The following DNAAF5 variants were observed in gnomAD, a reference collection of about 807,000 sequenced individuals.
DNAAF5 encodes the protein dynein axonemal assembly factor 5, also known as HEAT repeat containing 2.
Under a neutral mutation model 75.8 loss-of-function variants are expected in DNAAF5, and 64 were observed. The observed-to-expected ratio is 0.84, with a 90% confidence interval of 0.69 to 1.04. The LOEUF is 1.04. Ranked by LOEUF, DNAAF5 falls within the 50% of genes least tolerant of loss-of-function variation. The probability of loss-of-function intolerance (pLI) is 0.00; values close to 1 mark genes in which losing one functional copy is unlikely to be tolerated. For synonymous variants in DNAAF5, 657 were observed against 557.2 expected, an observed-to-expected ratio of 1.18 and a Z score of -2.52; for missense variants, 1,269 against 1,178.5, an observed-to-expected ratio of 1.08 and a Z score of -1.12.
chr7:769,110 TG>T, intron 8 of DNAAF5: 1 of 753,358 alleles, frequency 1.3e-6, no homozygotes, highest in Non-Finnish European at 2.4e-6. Context: ...CAAGGGCAGG[TG>T]CGGGGGTCTC....
At chr7:770,414 G>T (rs1778514921) in intron 8 of DNAAF5, 57 bp from the exon 9 acceptor site, 24 of 1,552,162 alleles carry the variant, frequency 1.5e-5, no homozygotes, top group Non-Finnish European at 2.0e-5. Context: ...TGTGCTGGAT[G>T]GGGCCTCCTC....
intron 2 of DNAAF5, among the ~76,000 whole-genome samples, chr7:737,424 T>C (rs1362349837): frequency 2.0e-5 from 3 of 152,228 alleles, no homozygotes. Context: ...GGCTCATCTT[T>C]TAGTCTTTCT....
In DNAAF5 at chr7:774,028, C is replaced by A. The variant is rs774998148; in HGVS notation, c.1932-20C>A. ...GCACCTGTCCGGTCTCCTCATCCAC[C>A]CTCTCCGTTCCGGTTCCAGGCAGTT... On this transcript the variant is annotated intron_variant, in intron 9 of 12. Transcript: ENST00000297440. The A allele has an allele frequency of 6.2e-7, 1 of 1,614,086 alleles. No homozygotes were observed. Among genetic ancestry groups the A allele is most frequent in the Non-Finnish European group, 8.5e-7 (1 of 1,179,978 alleles).
intron 9 of DNAAF5, chr7:772,654 C>G (rs1022207244): frequency 6.6e-6 from 1 of 152,244 alleles, no homozygotes; most frequent in Non-Finnish European, 1.5e-5. Context: ...CCCTGCTGCC[C>G]GTGGACTATA....
rs1027532467 is a variant in DNAAF5 at position 741,442 on chromosome 7, C to T, written c.1001C>T (p.Thr334Ile). The T allele has an allele frequency of 1.2e-5, 19 of 1,561,342 alleles. No individual in the cohort carries two copies. Among genetic ancestry groups the T allele is most frequent in the Admixed American group, 3.8e-5 (2 of 52,296 alleles). The change falls in exon 4 of 13, where the codon ACC becomes ATC. Residue 334 changes from threonine (T) to isoleucine (I), a missense_variant. Thr to Ile is a moderately conservative substitution (Grantham distance 89). Coordinates refer to ENST00000297440, the MANE Select transcript of DNAAF5 (RefSeq NM_017802.4). ...GACAAGCTGGACTTTGCCCCTCCCACCCCACCCCATTACCCTCCACATGGT... is the reference window on the plus strand; with the variant it reads ...GACAAGCTGGACTTTGCCCCTCCCATCCCACCCCATTACCCTCCACATGGT... ...LKDKLDFAPPTPPHYPPHERR... is the reference protein window; with the variant it reads ...LKDKLDFAPPIPPHYPPHERR...
At chr7:729,879 C>G (rs1781510066) in intron 2 of DNAAF5, 32 bp downstream of exon 2, 1 of 1,607,610 alleles carries the variant, frequency 6.2e-7, no homozygotes, top group Non-Finnish European at 8.5e-7. Flanking sequence ...CAGTCTGTTC[C>G]TCTCTCCAAC....
intron 4 of DNAAF5, among the ~76,000 whole-genome samples, chr7:743,775 G>A (rs1781996458): frequency 1.3e-5 from 2 of 151,240 alleles, no homozygotes; most frequent in African/African-American, 4.9e-5. Context: ...CTCCCAAGTA[G>A]CTGGGATTAC....
chr7:746,571 G>A (rs1437076840), intron 4 of DNAAF5, among the ~76,000 whole-genome samples: 3 of 142,002 alleles, frequency 2.1e-5, no homozygotes. Flanking sequence ...CCCAGGCTCT[G>A]TGTCGTCCCT....
chr7:780,815 C>CT (rs139098865), intron 12 of DNAAF5, among the ~76,000 whole-genome samples: 1,834 of 141,290 alleles, frequency 0.013, 39 homozygotes, highest in African/African-American at 0.041. Flanking sequence ...TAACGATTTG[C>CT]TTTTTTTTTT....
chr7:774,880 G>C, intron 10 of DNAAF5, 126 bp from the exon 11 acceptor site: 1 of 776,020 alleles, frequency 1.3e-6, no homozygotes, highest in Non-Finnish European at 2.2e-6. Context: ...GAAGATTCAA[G>C]CCTACTTTTT....
Position 761,674 on chromosome 7 carries a change from G to A in DNAAF5, c.1471-79G>A. On this transcript the variant is annotated intron_variant, in intron 6 of 12. Transcript: ENST00000297440. ...CCCAGGATACGTGGGGATTATGGGA[G>A]CTACAGTTCAAGATGGGATTCGGGT... The A allele has an allele frequency of 6.3e-6, 9 of 1,438,838 alleles. 1 individual carries two copies. In the South Asian group the frequency reaches 1.2e-4, roughly 19 times the overall value. The allele number at this position is 1,438,838 out of a possible 1,614,324, so 89.1% of individuals were successfully genotyped here.
Position 780,042 on chromosome 7 carries a change from G to A in DNAAF5, c.2329G>A (p.Ala777Thr), listed in dbSNP as rs200050837. ...CACCTGGCTGCAGTGTGTCAAGGGT[G>A]CCAACGCAAAATCCTACTATCAGAG... ...LVTWLQCVKGANAKSYYQSSV... is the reference protein window; with the variant it reads ...LVTWLQCVKGTNAKSYYQSSV... Residue 777 changes from alanine to threonine, a missense_variant, in exon 12 of 13, where the codon GCC becomes ACC. Ala to Thr is a moderately conservative substitution (Grantham distance 58). Coordinates refer to ENST00000297440, the MANE Select transcript of DNAAF5 (RefSeq NM_017802.4). The A allele has an allele frequency of 2.5e-5, 41 of 1,614,236 alleles. No homozygotes were observed. In the East Asian group the frequency reaches 8.7e-4, roughly 34 times the overall value.
chr7:745,902 T>G (rs755719213), intron 4 of DNAAF5, among the ~76,000 whole-genome samples: 1 of 152,224 alleles, frequency 6.6e-6, no homozygotes. Flanking sequence ...TGACTGATAA[T>G]TACAAAAACA....
At chr7:752,017 C>T (rs558503580) in intron 4 of DNAAF5, among the ~76,000 whole-genome samples, 45 of 152,336 alleles carry the variant, frequency 3.0e-4, no homozygotes, top group African/African-American at 1.1e-3. Context: ...TGAATGGCAG[C>T]AGGTCCTGGG....
intron 9 of DNAAF5, chr7:771,533 C>T (rs1778564987): frequency 6.6e-6 from 1 of 152,268 alleles, no homozygotes; most frequent in Non-Finnish European, 1.5e-5. Flanking sequence ...GACTTTTCTC[C>T]TTCATGACCC....
intron 6 of DNAAF5, among the ~76,000 whole-genome samples, chr7:760,511 G>A (rs1171227054): frequency 2.6e-5 from 4 of 152,184 alleles, no homozygotes; most frequent in Admixed American, 6.5e-5. Context: ...CAGGCCAGGC[G>A]TGGTGGTTCT....
At chr7:776,516 G>A (rs563924626) in intron 11 of DNAAF5, among the ~76,000 whole-genome samples, 2 of 151,564 alleles carry the variant, frequency 1.3e-5, no homozygotes, top group Non-Finnish European at 2.9e-5. Context: ...CGGCCGGGAA[G>A]GGGGACCTCA....
At chr7:760,056 C>T (rs1447979720) in intron 6 of DNAAF5, among the ~76,000 whole-genome samples, 2 of 148,786 alleles carry the variant, frequency 1.3e-5, no homozygotes, top group Non-Finnish European at 3.0e-5. Flanking sequence ...CCTCCAGCTC[C>T]GAGGGAGACG....
chr7:779,950 C>T lies in DNAAF5; in HGVS notation c.2240-3C>T. On this transcript the variant is annotated splice_region_variant and splice_polypyrimidine_tract_variant and intron_variant, in intron 11 of 12. Coordinates refer to ENST00000297440, the MANE Select transcript of DNAAF5 (RefSeq NM_017802.4). ...ACACACCTGTCTCGCTCCCTCCTTCCAGAACTCTTAAAACGCCTAGATGAC... is the reference window on the plus strand; with the variant it reads ...ACACACCTGTCTCGCTCCCTCCTTCTAGAACTCTTAAAACGCCTAGATGAC... 2.5e-6 allele frequency: 4 copies of T among 1,613,686 alleles called. No homozygotes were observed. Among genetic ancestry groups the T allele is most frequent in the Non-Finnish European group, 2.5e-6 (3 of 1,179,716 alleles).
Sources: gnomAD v4.1 joint callset for allele counts (sites outside exome capture counted in the v4.1 genomes callset) on GRCh38, gnomAD v4.1.1 for gene constraint, MANE v1.5 for transcripts, NCBI Gene and HGNC (gene_info 2026-07-23, HGNC 2026-07-21) for gene names.